The following AFAP1L2 variants were observed in gnomAD, a reference collection of about 807,000 sequenced individuals.
The protein encoded by AFAP1L2 is actin filament-associated protein 1-like 2.
A neutral mutation model predicts 99.3 loss-of-function variants in AFAP1L2; 46 were observed. The ratio of observed to expected loss-of-function variants is 0.46; its 90% confidence interval spans 0.37 to 0.59. The LOEUF (loss-of-function observed/expected upper bound fraction) is 0.59, where lower values mean the gene tolerates loss of function less well. Among genes scored for constraint, AFAP1L2 ranks in the 20% least tolerant of loss-of-function variants. The probability of loss-of-function intolerance (pLI) is 0.00; values close to 1 mark genes in which losing one functional copy is unlikely to be tolerated. For synonymous variants in AFAP1L2, 397 were observed against 419.1 expected, an observed-to-expected ratio of 0.95 and a Z score of 0.64; for missense variants, 959 against 1,034.9, an observed-to-expected ratio of 0.93 and a Z score of 1.01.
intron 2 of AFAP1L2, among the ~76,000 whole-genome samples, 200 bp downstream of exon 2, chr10:114,340,403 C>G (rs1248067005): frequency 6.6e-6 from 1 of 152,130 alleles, no homozygotes; most frequent in Non-Finnish European, 1.5e-5. Flanking sequence ...AGACAGCCAT[C>G]AGCCCGCCAG....
intron 1 of AFAP1L2, among the ~76,000 whole-genome samples, chr10:114,386,117 G>C (rs1028949399): frequency 6.6e-6 from 1 of 152,206 alleles, no homozygotes; most frequent in Non-Finnish European, 1.5e-5. Flanking sequence ...CTGTGAGACA[G>C]GTAAGTTAAG....
At chr10:114,368,306 C>T (rs1006980327) in intron 1 of AFAP1L2, among the ~76,000 whole-genome samples, 5 of 152,086 alleles carry the variant, frequency 3.3e-5, no homozygotes, top group African/African-American at 1.2e-4. Context: ...TGGAGAGATG[C>T]TGGTCAAAGG....
Position 114,295,477 on chromosome 10 carries a change from A to AGATGGTTTTACAGAT in AFAP1L2, c.*550_*564dup, listed in dbSNP as rs147901415. On this transcript the variant is annotated 3_prime_UTR_variant, in exon 19 of 19. Coordinates refer to ENST00000304129, the MANE Select transcript of AFAP1L2 (RefSeq NM_001001936.3). ...TATTGTTTCTCAAAACTCATGTCAT[A>AGATGGTTTTACAGAT]GATGGTTTTACAGATGATGGTTTTA... 24 of 985,420 alleles carry AGATGGTTTTACAGAT rather than the reference A, an allele frequency of 2.4e-5. No individual in the cohort carries two copies. Among genetic ancestry groups the AGATGGTTTTACAGAT allele is most frequent in the East Asian group, 1.1e-4 (1 of 8,834 alleles). 61.0% of individuals were successfully genotyped at this position (985,420 alleles called of 1,614,324 possible). A position where few individuals can be genotyped will look rare whatever the true frequency, so the allele number is the denominator to read the frequency against.
At chr10:114,367,920 A>G (rs1279402064) in intron 1 of AFAP1L2, among the ~76,000 whole-genome samples, 3 of 152,226 alleles carry the variant, frequency 2.0e-5, no homozygotes, top group Admixed American at 1.3e-4. Flanking sequence ...GGAATAATTA[A>G]CTACATGAAC....
intron 1 of AFAP1L2, among the ~76,000 whole-genome samples, chr10:114,373,887 C>T (rs1383773697): frequency 5.9e-5 from 9 of 152,126 alleles, no homozygotes; most frequent in Admixed American, 5.2e-4. Flanking sequence ...ATAATCTTGC[C>T]CCTTCTCTGC....
intron 5 of AFAP1L2, among the ~76,000 whole-genome samples, chr10:114,321,571 TC>T (rs1488924358): frequency 6.6e-6 from 1 of 152,208 alleles, no homozygotes; most frequent in African/African-American, 2.4e-5. Context: ...AACAACACCT[TC>T]CTCAGCCTAG....
intron 1 of AFAP1L2, among the ~76,000 whole-genome samples, chr10:114,362,148 T>C (rs1235354006): frequency 6.6e-6 from 1 of 152,180 alleles, no homozygotes. Context: ...ATCAGATCTA[T>C]GTCTCAAGGT....
chr10:114,282,998 T>C, the AFAP1L2 span, among the ~76,000 whole-genome samples: 1 of 152,176 alleles, frequency 6.6e-6, no homozygotes, highest in Admixed American at 6.5e-5. Flanking sequence ...TAGTGAAGAT[T>C]CAGTAGATAA....
chr10:114,335,766 A>C (rs543488767), intron 2 of AFAP1L2, among the ~76,000 whole-genome samples: 61 of 152,330 alleles, frequency 4.0e-4, no homozygotes, highest in Non-Finnish European at 7.5e-4. Flanking sequence ...TTATAAGATC[A>C]TGTTTCAGAA....
At chr10:114,325,128 G>A (rs2046056941) in intron 4 of AFAP1L2, among the ~76,000 whole-genome samples, 1 of 152,220 alleles carries the variant, frequency 6.6e-6, no homozygotes, top group South Asian at 2.1e-4. Context: ...GGACCTCATA[G>A]ATTTAACCTT....
chr10:114,383,163 T>C (rs1268543983), intron 1 of AFAP1L2, among the ~76,000 whole-genome samples: 1 of 152,186 alleles, frequency 6.6e-6, no homozygotes, highest in Non-Finnish European at 1.5e-5. Context: ...ATGTGGACAA[T>C]GTTTTGAAAG....
chr10:114,311,181 C>T (rs2043186504), intron 7 of AFAP1L2, among the ~76,000 whole-genome samples: 1 of 152,120 alleles, frequency 6.6e-6, no homozygotes. Flanking sequence ...TGGGTTTGGG[C>T]AGTCAGAGGA....
At chr10:114,359,958 C>T (rs2051997208) in intron 1 of AFAP1L2, among the ~76,000 whole-genome samples, 1 of 152,148 alleles carries the variant, frequency 6.6e-6, no homozygotes, top group Non-Finnish European at 1.5e-5. Context: ...CTTACCAGAG[C>T]TAAGGACAAA....
chr10:114,296,148 A>T, intron 18 of AFAP1L2, 80 bp from the exon 19 acceptor site: 1 of 1,586,088 alleles, frequency 6.3e-7, no homozygotes, highest in Non-Finnish European at 8.6e-7. Context: ...CTTGATATAC[A>T]TAGAAAAAAT....
At chr10:114,281,237 G>C in the AFAP1L2 span, 1 of 152,286 alleles carries the variant, frequency 6.6e-6, no homozygotes, top group Non-Finnish European at 1.5e-5. Context: ...AGTCTCCTCA[G>C]GTGAGGCCAT....
Position 114,295,695 on chromosome 10 carries a change from T to G in AFAP1L2, c.*347A>C. 9.5e-7 allele frequency: 1 copy of G among 1,049,666 alleles called. No individual in the cohort carries two copies. The highest frequency in any genetic ancestry group is 1.1e-6 in the Non-Finnish European group (1 of 870,852). 65.0% of individuals were successfully genotyped at this position (1,049,666 alleles called of 1,614,324 possible). A position where few individuals can be genotyped will look rare whatever the true frequency, so the allele number is the denominator to read the frequency against. The stretch of plus-strand genomic sequence containing the variant: ...GACAGGGCCCTGCTTCCTTGATTCA[T>G]CTTCCACCAAAGTCTAAACAGGAGG... On this transcript the variant is annotated 3_prime_UTR_variant, in exon 19 of 19. Coordinates refer to ENST00000304129, the MANE Select transcript of AFAP1L2 (RefSeq NM_001001936.3).
At chr10:114,404,581 G>A (rs2058554498), upstream of AFAP1L2, 42 of 1,319,888 alleles carry the variant, frequency 3.2e-5, no homozygotes, top group East Asian at 6.4e-5. Flanking sequence ...ACCTCCTGGC[G>A]GGGCCGCCGC....
At chr10:114,290,851 G>A (rs536131002), downstream of AFAP1L2, among the ~76,000 whole-genome samples, 47 of 152,188 alleles carry the variant, frequency 3.1e-4, no homozygotes, top group Non-Finnish European at 6.2e-4. Flanking sequence ...AGGAGGAGGT[G>A]CTAGAGGTTT....
At chr10:114,294,680 C>T (rs1026434126), downstream of AFAP1L2, 6 of 398,510 alleles carry the variant, frequency 1.5e-5, no homozygotes, top group African/African-American at 1.3e-4. Context: ...TTGCTTTCAG[C>T]CTTATCTATG....
Sources: gnomAD v4.1 joint callset for allele counts (sites outside exome capture counted in the v4.1 genomes callset) on GRCh38, gnomAD v4.1.1 for gene constraint, MANE v1.5 for transcripts, NCBI Gene and HGNC (gene_info 2026-07-23, HGNC 2026-07-21) for gene names.